RYR1: variants seen among roughly 807,000 people sequenced by gnomAD.
RYR1 encodes the protein central core disease of muscle.
A neutral mutation model predicts 583.5 loss-of-function variants in RYR1; 342 were observed. The ratio of observed to expected loss-of-function variants is 0.59; its 90% CI spans 0.54 to 0.64. The LOEUF (loss-of-function observed/expected upper bound fraction) is 0.64. Ranked by LOEUF, RYR1 falls within the 30% of genes least tolerant of loss-of-function variation. RYR1 has a pLI of 0.00. For synonymous variants in RYR1, 2,791 were observed against 2,822.5 expected, an observed-to-expected ratio of 0.99 and a Z score of 0.35; for missense variants, 6,032 against 6,917.2, an observed-to-expected ratio of 0.87 and a Z score of 4.54.
chr19:38,536,789 C>G (rs376209597), intron 83 of RYR1, 22 bp downstream of exon 83: 4 of 1,613,408 alleles, frequency 2.5e-6, no homozygotes. Context: ...AGCCCACCCC[C>G]GTGCTGTGCT....
At chr19:38,521,482 T>C (rs928909477) in intron 67 of RYR1, among the ~76,000 whole-genome samples, 7 of 151,754 alleles carry the variant, frequency 4.6e-5, no homozygotes, top group Non-Finnish European at 1.0e-4. Flanking sequence ...ACTCAGAAGT[T>C]TGAGACCAGC....
At chr19:38,563,702 G>C (rs1973258382) in intron 90 of RYR1, among the ~76,000 whole-genome samples, 1 of 152,242 alleles carries the variant, frequency 6.6e-6, no homozygotes. Flanking sequence ...GGTCCAGAGA[G>C]TTAATTCAAA....
intron 97 of RYR1, among the ~76,000 whole-genome samples, chr19:38,577,284 G>A (rs1406054858): frequency 6.6e-6 from 1 of 152,118 alleles, no homozygotes; most frequent in South Asian, 2.1e-4. Context: ...GTTGTATTAT[G>A]TACTACATGA....
intron 93 of RYR1, among the ~76,000 whole-genome samples, chr19:38,569,251 C>T (rs1362148299): frequency 1.3e-5 from 2 of 152,176 alleles, no homozygotes; most frequent in African/African-American, 4.8e-5. Flanking sequence ...TTGTGATCCA[C>T]CCGCCTTGGC....
intron 27 of RYR1, among the ~76,000 whole-genome samples, chr19:38,470,530 A>G (rs779833074): frequency 3.9e-5 from 6 of 152,110 alleles, no homozygotes; most frequent in African/African-American, 1.4e-4. Context: ...ACTTGAGCCC[A>G]GAAGTTCAAG....
At position 38,457,490 on chromosome 19, in the gene RYR1, C is replaced by T. The variant is rs1410938870; in HGVS notation, c.1792-7C>T. 2 of 1,614,104 alleles carry T rather than the reference C, an allele frequency of 1.2e-6. No individual in the cohort carries two copies. Among genetic ancestry groups the T allele is most frequent in the African/African-American group, 1.3e-5 (1 of 75,018 alleles). On this transcript the variant is annotated splice_region_variant and splice_polypyrimidine_tract_variant and intron_variant, in intron 16 of 105. Transcript: ENST00000359596. ...CACACCCTTTAACCTCTGACCTTGA[C>T]CTCTAGGTCCTGGACGTGCTATGCT... is the stretch of plus-strand genomic sequence containing the variant.
intron 1 of RYR1, among the ~76,000 whole-genome samples, chr19:38,438,623 T>TC (rs1972532113): frequency 7.1e-6 from 1 of 140,110 alleles, no homozygotes; most frequent in Non-Finnish European, 1.6e-5. Context: ...AGTCTTTTTT[T>TC]TTTTTTTTTT....
intron 99 of RYR1, among the ~76,000 whole-genome samples, chr19:38,578,612 C>G (rs1974062999): frequency 6.7e-6 from 1 of 150,022 alleles, no homozygotes; most frequent in African/African-American, 2.5e-5. Flanking sequence ...GCAGGCAGAT[C>G]ACTTGAGGTC....
In RYR1 at chr19:38,519,461, G is replaced by A. The variant is rs143752962; in HGVS notation, c.10259+7G>A. 0.011 allele frequency: 18,084 copies of A among 1,587,772 alleles called. 144 individuals are homozygous for A. Among genetic ancestry groups the A allele is most frequent in the Non-Finnish European group, 0.014 (16,106 of 1,168,330 alleles). On this transcript the variant is annotated splice_region_variant and intron_variant, in intron 67 of 105. Coordinates refer to ENST00000359596, the MANE Select transcript of RYR1 (RefSeq NM_000540.3). ...GCTACGTGGACAACAACAGGTCAGC[G>A]GGGCCCCGCTGTCCCCATGCCCTCC...
intron 81 of RYR1, 181 bp from the exon 82 acceptor site, chr19:38,535,816 C>A: frequency 2.9e-6 from 2 of 699,676 alleles, no homozygotes; most frequent in Non-Finnish European, 5.2e-6. Flanking sequence ...CATGGTTCAT[C>A]CTGGCCCAAC....
chr19:38,435,946 T>C (rs1972408250), intron 1 of RYR1, among the ~76,000 whole-genome samples: 1 of 152,208 alleles, frequency 6.6e-6, no homozygotes, highest in Non-Finnish European at 1.5e-5. Flanking sequence ...TTCACTCTTG[T>C]TGCCCAGACT....
intron 89 of RYR1, among the ~76,000 whole-genome samples, chr19:38,551,326 G>T (rs539352509): frequency 6.6e-6 from 1 of 151,056 alleles, no homozygotes; most frequent in Non-Finnish European, 1.5e-5. Context: ...CAAGTGATCC[G>T]CCCGCCTCAG....
At chr19:38,505,144 T>C (rs949570584) in intron 52 of RYR1, 63 bp downstream of exon 52, 28 of 1,462,346 alleles carry the variant, frequency 1.9e-5, no homozygotes, top group Non-Finnish European at 7.6e-6. Context: ...CCCGACCTGG[T>C]TCTTCCCTGA....
At chr19:38,494,726 T>C in intron 39 of RYR1, 101 bp downstream of exon 39, 1 of 1,470,272 alleles carries the variant, frequency 6.8e-7, no homozygotes. Flanking sequence ...GCCCATCCTC[T>C]GGGTGATCTC....
At chr19:38,517,286 T>C in intron 65 of RYR1, 73 bp from the exon 66 acceptor site, 1 of 1,469,790 alleles carries the variant, frequency 6.8e-7, no homozygotes, top group South Asian at 1.2e-5. Context: ...TCTGATGTAT[T>C]GCGGGGGAGG....
chr19:38,477,165 T>A (rs1385082308), intron 29 of RYR1, among the ~76,000 whole-genome samples: 1 of 152,204 alleles, frequency 6.6e-6, no homozygotes, highest in Non-Finnish European at 1.5e-5. Flanking sequence ...TATTTTGAGA[T>A]GGAGTCTCAC....
chr19:38,475,020 C>G (rs527601669), intron 28 of RYR1, among the ~76,000 whole-genome samples: 2 of 152,270 alleles, frequency 1.3e-5, no homozygotes, highest in African/African-American at 4.8e-5. Flanking sequence ...GCATTTAGCA[C>G]CTATACGAGA....
chr19:38,457,328 C>T (rs546026269), intron 16 of RYR1, among the ~76,000 whole-genome samples, 169 bp from the exon 17 acceptor site: 45 of 152,186 alleles, frequency 3.0e-4, no homozygotes, highest in Admixed American at 9.8e-4. Context: ...GACCCCTAAC[C>T]TTTCTCTGAT....
intron 67 of RYR1, among the ~76,000 whole-genome samples, chr19:38,520,474 C>T (rs1488065101): frequency 6.6e-6 from 1 of 151,058 alleles, no homozygotes. Context: ...GTGGGCAGAT[C>T]ACCTGAGGTC....
Sources: allele counts gnomAD v4.1 joint callset (sites outside exome capture counted in the v4.1 genomes callset), GRCh38; gene constraint gnomAD v4.1.1; transcripts MANE v1.5; gene names NCBI Gene and HGNC (gene_info 2026-07-23, HGNC 2026-07-21).